CAAP1: variants seen among roughly 807,000 people sequenced by gnomAD.
CAAP1 encodes the protein caspase activity and apoptosis inhibitor 1, also known as conserved anti-apoptotic protein.
A neutral mutation model predicts 34.0 loss-of-function variants in CAAP1; 20 were observed. That is an observed-to-expected ratio of 0.59 (90% CI 0.41 to 0.86). The LOEUF (loss-of-function observed/expected upper bound fraction) is 0.86. Ranked by LOEUF, CAAP1 falls within the 40% of genes least tolerant of loss-of-function variation. The pLI, the probability that CAAP1 is intolerant of heterozygous loss-of-function variation, is 0.00. For missense variants in CAAP1, 538 were observed against 450.5 expected, an observed-to-expected ratio of 1.19 and a Z score of -1.76; for synonymous variants, 213 against 166.7, an observed-to-expected ratio of 1.28 and a Z score of -2.14.
At chr9:26,887,614 C>T in intron 1 of CAAP1, 101 bp from the exon 2 acceptor site, 1 of 684,162 alleles carries the variant, frequency 1.5e-6, no homozygotes, top group South Asian at 2.3e-5. Context: ...TCTTCTTCAT[C>T]AAAAATTCCC....
At chr9:26,866,522 T>C (rs1823142741) in intron 4 of CAAP1, among the ~76,000 whole-genome samples, 1 of 152,212 alleles carries the variant, frequency 6.6e-6, no homozygotes, top group Non-Finnish European at 1.5e-5. Context: ...TGTGTATGTG[T>C]TTATAATTCA....
intron 4 of CAAP1, chr9:26,880,237 A>G: frequency 7.2e-6 from 3 of 415,092 alleles, no homozygotes; most frequent in South Asian, 5.3e-5. Context: ...GTGTCTTCAA[A>G]AAGGACAACC....
chr9:26,856,065 C>T (rs773861072), intron 5 of CAAP1, among the ~76,000 whole-genome samples: 6 of 151,792 alleles, frequency 4.0e-5, no homozygotes, highest in African/African-American at 4.8e-5. Context: ...CCTCCCTCCT[C>T]GGCCTCCTAA....
intron 5 of CAAP1, among the ~76,000 whole-genome samples, chr9:26,856,299 T>C (rs1197665392): frequency 6.6e-6 from 1 of 152,188 alleles, no homozygotes; most frequent in African/African-American, 2.4e-5. Flanking sequence ...TTTAATTATA[T>C]TATTTATTTT....
At position 26,892,440 on chromosome 9, in the gene CAAP1, A is replaced by T. The variant is rs1823929416; in HGVS notation, c.276T>A (p.Ser92=). Residue 92 remains serine (S), a synonymous_variant, in exon 1 of 6, where the codon TCT becomes TCA. Transcript: ENST00000333916. The part of the protein sequence containing the change: ...SERRKRRSTD[S]SSVSGSLQQE... Reference sequence around the variant, plus strand: ...GCTGCAAGGAGCCCGAGACGCTGGAAGAGTCGGTACTCCTCCGCTTCCGGC... The same window carrying T: ...GCTGCAAGGAGCCCGAGACGCTGGATGAGTCGGTACTCCTCCGCTTCCGGC... 6.2e-7 allele frequency: 1 copy of T among 1,600,018 alleles called. No individual in the cohort carries two copies. Among genetic ancestry groups the T allele is most frequent in the Admixed American group, 1.7e-5 (1 of 58,642 alleles).
At chr9:26,851,085 G>A (rs1822739763) in intron 5 of CAAP1, among the ~76,000 whole-genome samples, 1 of 152,156 alleles carries the variant, frequency 6.6e-6, no homozygotes, top group Admixed American at 6.5e-5. Context: ...TCATGATGGT[G>A]CTGCAAAGGC....
At chr9:26,887,606 T>C (rs941704700) in intron 1 of CAAP1, 93 bp from the exon 2 acceptor site, 1 of 773,140 alleles carries the variant, frequency 1.3e-6, no homozygotes, top group African/African-American at 1.8e-5. Flanking sequence ...TAATAAATTC[T>C]TCTTCATCAA....
Position 26,892,739 on chromosome 9 carries a change from A to T in CAAP1, c.-24T>A. On this transcript the variant is annotated 5_prime_UTR_variant, in exon 1 of 6. Transcript: ENST00000333916. ...ATGATCCCTCTGCTGCAACCATCGG[A>T]GGAAAGTCCGCTGTCTCTGGTGCGA... is the stretch of plus-strand genomic sequence containing the variant. 1 of 1,557,522 alleles carries T rather than the reference A, an allele frequency of 6.4e-7. No homozygotes were observed. The highest frequency in any genetic ancestry group is 8.6e-7 in the Non-Finnish European group (1 of 1,156,420).
chr9:26,850,333 T>C (rs538863675), intron 5 of CAAP1, among the ~76,000 whole-genome samples: 78 of 151,858 alleles, frequency 5.1e-4, no homozygotes, highest in Non-Finnish European at 8.4e-4. Context: ...AGAGTGGGGG[T>C]TGGAGAGACA....
At chr9:26,844,985 A>G (rs985508262) in intron 5 of CAAP1, among the ~76,000 whole-genome samples, 2 of 152,074 alleles carry the variant, frequency 1.3e-5, no homozygotes, top group African/African-American at 4.8e-5. Flanking sequence ...CCTTTTCACT[A>G]TCTACTTTCT....
chr9:26,885,011 T>G (rs185742096), intron 3 of CAAP1, 126 bp from the exon 4 acceptor site: 2 of 650,868 alleles, frequency 3.1e-6, no homozygotes, highest in Admixed American at 2.7e-5. Flanking sequence ...GGTCAAAACT[T>G]AAATTTTTAA....
chr9:26,857,166 C>A (rs1421937915), intron 5 of CAAP1, among the ~76,000 whole-genome samples: 1 of 152,212 alleles, frequency 6.6e-6, no homozygotes, highest in Non-Finnish European at 1.5e-5. Flanking sequence ...AAGCAGCAAT[C>A]TCTGAAATCC....
intron 5 of CAAP1, among the ~76,000 whole-genome samples, chr9:26,850,523 T>C (rs979756453): frequency 3.3e-5 from 5 of 152,340 alleles, no homozygotes; most frequent in Non-Finnish European, 5.9e-5. Flanking sequence ...AATACATTAA[T>C]AAGTTTGCAG....
In CAAP1 at chr9:26,871,938, T is replaced by TA. The variant is rs1389316516; in HGVS notation, c.666-10800dup. ...CAAAATAAATAAATAAATAAATAAA[T>TA]AAATAAAATAAAAAATCTAATGCAG... On this transcript the variant is annotated intron_variant, in intron 4 of 5. Transcript: ENST00000333916. Among the ~76,000 whole-genome samples, 5 of 151,474 alleles carry TA rather than the reference T, an allele frequency of 3.3e-5. No individual in the cohort carries two copies. The East Asian group carries it at 7.7e-4, about 23-fold the overall frequency.
chr9:26,881,326 T>C (rs1305820986), intron 4 of CAAP1, among the ~76,000 whole-genome samples: 2 of 152,204 alleles, frequency 1.3e-5, no homozygotes, highest in Non-Finnish European at 2.9e-5. Flanking sequence ...GGCTATCCAT[T>C]TGATATACTT....
chr9:26,884,711 T>C (rs1823685873), intron 4 of CAAP1, 99 bp downstream of exon 4: 4 of 891,188 alleles, frequency 4.5e-6, no homozygotes, highest in South Asian at 4.3e-5. Flanking sequence ...AATGATTTTA[T>C]AAATAAAACA....
At chr9:26,874,210 A>G (rs1823364138) in intron 4 of CAAP1, among the ~76,000 whole-genome samples, 1 of 146,600 alleles carries the variant, frequency 6.8e-6, no homozygotes, top group Non-Finnish European at 1.5e-5. Context: ...CTGTCTCAAA[A>G]AAAAAAAAAA....
chr9:26,879,978 A>G (rs2094520098), intron 4 of CAAP1, among the ~76,000 whole-genome samples: 1 of 151,828 alleles, frequency 6.6e-6, no homozygotes, highest in South Asian at 2.1e-4. Context: ...ACTCCCTTTC[A>G]CATATACATA....
At chr9:26,866,929 G>A (rs984175828) in intron 4 of CAAP1, among the ~76,000 whole-genome samples, 8 of 152,114 alleles carry the variant, frequency 5.3e-5, no homozygotes, top group African/African-American at 2.4e-5. Flanking sequence ...GCCACAGATC[G>A]GTACCAATCT....
Sources: gnomAD v4.1 joint callset for allele counts (sites outside exome capture counted in the v4.1 genomes callset) on GRCh38, gnomAD v4.1.1 for gene constraint, MANE v1.5 for transcripts, NCBI Gene and HGNC (gene_info 2026-07-23, HGNC 2026-07-21) for gene names.